The following SGMS1 variants were observed in gnomAD, a reference collection of about 807,000 sequenced individuals.
The protein encoded by SGMS1 is sphingomyelin synthase 1.
In SGMS1, 13 loss-of-function variants were observed where a neutral mutation model predicts 46.2. The observed-to-expected ratio is 0.28, with a 90% CI of 0.18 to 0.45. The LOEUF is 0.45. SGMS1 is among the 20% of genes least tolerant of loss of function. The probability of loss-of-function intolerance (pLI) is 1.00; values close to 1 mark genes in which losing one functional copy is unlikely to be tolerated. For synonymous variants in SGMS1, 203 were observed against 187.8 expected, an observed-to-expected ratio of 1.08 and a Z score of -0.66; for missense variants, 324 against 519.9, an observed-to-expected ratio of 0.62 and a Z score of 3.66.
chr10:50,577,362 T>A (rs1003864279), intron 2 of SGMS1, among the ~76,000 whole-genome samples: 3 of 151,966 alleles, frequency 2.0e-5, no homozygotes, highest in Non-Finnish European at 4.4e-5. Flanking sequence ...CCATATACAT[T>A]AGGAACAAGA....
chr10:50,529,669 G>A (rs779123938), intron 2 of SGMS1, among the ~76,000 whole-genome samples: 5 of 151,982 alleles, frequency 3.3e-5, no homozygotes, highest in Admixed American at 6.6e-5. Flanking sequence ...ATACTTACAG[G>A]TCTAAAAATG....
chr10:50,586,628 A>C (rs1157668742), intron 2 of SGMS1, among the ~76,000 whole-genome samples: 1 of 152,260 alleles, frequency 6.6e-6, no homozygotes, highest in Non-Finnish European at 1.5e-5. Context: ...GGACGTAGAA[A>C]ACATGTGCCA....
intron 6 of SGMS1, among the ~76,000 whole-genome samples, chr10:50,360,405 T>TA (rs941973045): frequency 7.3e-5 from 11 of 151,600 alleles, no homozygotes; most frequent in Non-Finnish European, 1.0e-4. Context: ...GCAAAGCCTT[T>TA]AAAAAAAAAC....
chr10:50,579,171 A>T (rs1234716665), intron 2 of SGMS1, among the ~76,000 whole-genome samples: 1 of 151,998 alleles, frequency 6.6e-6, no homozygotes, highest in Non-Finnish European at 1.5e-5. Context: ...ATTTTAAAAA[A>T]ACATTATAAC....
chr10:50,448,221 G>T (rs772538508), intron 5 of SGMS1, among the ~76,000 whole-genome samples: 8 of 151,944 alleles, frequency 5.3e-5, no homozygotes, highest in Non-Finnish European at 1.0e-4. Flanking sequence ...CACTGCACTT[G>T]AGCCTGGGCA....
At chr10:50,568,329 A>G (rs1248110597) in intron 2 of SGMS1, among the ~76,000 whole-genome samples, 2 of 152,238 alleles carry the variant, frequency 1.3e-5, no homozygotes, top group Admixed American at 6.5e-5. Flanking sequence ...GAATGCTTGG[A>G]TGAAGGAAGA....
At chr10:50,350,281 T>G (rs1364930745) in intron 6 of SGMS1, among the ~76,000 whole-genome samples, 1 of 152,150 alleles carries the variant, frequency 6.6e-6, no homozygotes, top group Admixed American at 6.5e-5. Flanking sequence ...AGTAAAGCAT[T>G]TAAGATGTAA....
chr10:50,516,310 A>T (rs886081935), intron 3 of SGMS1, among the ~76,000 whole-genome samples: 6 of 152,234 alleles, frequency 3.9e-5, no homozygotes, highest in African/African-American at 1.2e-4. Flanking sequence ...GAATGTAAGA[A>T]CATGGAGCTT....
intron 1 of SGMS1, among the ~76,000 whole-genome samples, chr10:50,595,617 C>A (rs1838584405): frequency 6.6e-6 from 1 of 152,186 alleles, no homozygotes; most frequent in Non-Finnish European, 1.5e-5. Flanking sequence ...GTGGAGACAC[C>A]ACTTGAACCT....
At chr10:50,379,460 G>T (rs936271184) in intron 6 of SGMS1, among the ~76,000 whole-genome samples, 2 of 151,800 alleles carry the variant, frequency 1.3e-5, no homozygotes, top group African/African-American at 4.8e-5. Context: ...ATATATATGT[G>T]CACGTGTATG....
At chr10:50,479,038 ACC>A (rs1837453435) in intron 3 of SGMS1, among the ~76,000 whole-genome samples, 1 of 147,636 alleles carries the variant, frequency 6.8e-6, no homozygotes, top group African/African-American at 2.5e-5. Context: ...TCCATTAAAA[ACC>A]CTTCTTTGTC....
chr10:50,326,394 A>T (rs1847532968), intron 8 of SGMS1, among the ~76,000 whole-genome samples: 1 of 152,226 alleles, frequency 6.6e-6, no homozygotes, highest in African/African-American at 2.4e-5. Flanking sequence ...CAAAGCAATG[A>T]GACTGAAAGT....
At chr10:50,619,406 T>C (rs1838827105) in intron 1 of SGMS1, among the ~76,000 whole-genome samples, 1 of 152,164 alleles carries the variant, frequency 6.6e-6, no homozygotes, top group Non-Finnish European at 1.5e-5. Context: ...AAAAAAAGAA[T>C]GAAATCTATA....
intron 3 of SGMS1, among the ~76,000 whole-genome samples, chr10:50,508,675 T>C (rs1224399320): frequency 6.6e-6 from 1 of 152,152 alleles, no homozygotes; most frequent in Non-Finnish European, 1.5e-5. Flanking sequence ...GGCAGACTTG[T>C]GGGTAACTGC....
At chr10:50,617,249 T>G (rs1235720017) in intron 1 of SGMS1, among the ~76,000 whole-genome samples, 1 of 152,228 alleles carries the variant, frequency 6.6e-6, no homozygotes, top group African/African-American at 2.4e-5. Context: ...AAATTTTATG[T>G]TATGTGTATT....
chr10:50,526,678 C>T (rs1837904077), intron 2 of SGMS1, among the ~76,000 whole-genome samples: 1 of 152,140 alleles, frequency 6.6e-6, no homozygotes, highest in Non-Finnish European at 1.5e-5. Context: ...TTTAACTTTA[C>T]TTGGGTCAAC....
At chr10:50,551,282 C>A (rs1838146739) in intron 2 of SGMS1, among the ~76,000 whole-genome samples, 1 of 151,678 alleles carries the variant, frequency 6.6e-6, no homozygotes, top group Non-Finnish European at 1.5e-5. Flanking sequence ...AAACCCATAA[C>A]CCCAATCTAA....
chr10:50,581,606 G>A (rs1256770422), intron 2 of SGMS1, among the ~76,000 whole-genome samples: 1 of 152,132 alleles, frequency 6.6e-6, no homozygotes, highest in Non-Finnish European at 1.5e-5. Flanking sequence ...AGACTCCTAA[G>A]GAGCTAAGAA....
chr10:50,616,454 C>A (rs1192810288), intron 1 of SGMS1, among the ~76,000 whole-genome samples: 4 of 152,140 alleles, frequency 2.6e-5, no homozygotes, highest in East Asian at 1.9e-4. Flanking sequence ...CTATTTAAAA[C>A]CAGCATTAGG....
Sources: allele counts gnomAD v4.1 joint callset (sites outside exome capture counted in the v4.1 genomes callset), GRCh38; gene constraint gnomAD v4.1.1; transcripts MANE v1.5; gene names NCBI Gene and HGNC (gene_info 2026-07-23, HGNC 2026-07-21).